PDGFC: variants seen among roughly 807,000 people sequenced by gnomAD.
PDGFC encodes platelet-derived growth factor C.
PDGFC carries 12 observed loss-of-function variants against 35.5 expected under a neutral mutation model. That is an observed-to-expected ratio of 0.34 (90% confidence interval 0.22 to 0.55). The LOEUF (loss-of-function observed/expected upper bound fraction) is 0.55, where lower values mean the gene tolerates loss of function less well. PDGFC is among the 20% of genes least tolerant of loss of function. The pLI, the probability that PDGFC is intolerant of heterozygous loss-of-function variation, is 0.91. For synonymous variants in PDGFC, 159 were observed against 148.8 expected, an observed-to-expected ratio of 1.07 and a Z score of -0.50; for missense variants, 322 against 412.4, an observed-to-expected ratio of 0.78 and a Z score of 1.90.
At chr4:156,803,699 G>A (rs1233331297) in intron 3 of PDGFC, among the ~76,000 whole-genome samples, 1 of 152,030 alleles carries the variant, frequency 6.6e-6, no homozygotes, top group African/African-American at 2.4e-5. Context: ...AGAAATATTT[G>A]CCATTTAGAA....
chr4:156,764,150 C>T (rs906414741), intron 5 of PDGFC, among the ~76,000 whole-genome samples: 6 of 152,192 alleles, frequency 3.9e-5, no homozygotes, highest in East Asian at 1.9e-4. Flanking sequence ...TTTTTGGATA[C>T]GACATAGATA....
At chr4:156,966,686 G>A (rs1732474184) in intron 1 of PDGFC, among the ~76,000 whole-genome samples, 1 of 152,100 alleles carries the variant, frequency 6.6e-6, no homozygotes, top group Non-Finnish European at 1.5e-5. Context: ...AGGCTTCCGT[G>A]CCTGAGACAG....
At chr4:156,930,216 C>G (rs571521944) in intron 1 of PDGFC, among the ~76,000 whole-genome samples, 1 of 152,280 alleles carries the variant, frequency 6.6e-6, no homozygotes, top group East Asian at 1.9e-4. Flanking sequence ...TTCACAAAAT[C>G]CTATATAGTT....
At chr4:156,897,030 T>A (rs1730647739) in intron 1 of PDGFC, among the ~76,000 whole-genome samples, 1 of 152,096 alleles carries the variant, frequency 6.6e-6, no homozygotes, top group Admixed American at 6.6e-5. Context: ...AATACGCACA[T>A]TAAAGGAGCC....
chr4:156,943,274 C>T (rs1731858008), intron 1 of PDGFC, among the ~76,000 whole-genome samples: 1 of 152,086 alleles, frequency 6.6e-6, no homozygotes, highest in Non-Finnish European at 1.5e-5. Flanking sequence ...CTGAGAAGCT[C>T]TGTTAAACTG....
chr4:156,866,529 G>A (rs953665031), intron 1 of PDGFC, among the ~76,000 whole-genome samples: 3 of 151,974 alleles, frequency 2.0e-5, no homozygotes, highest in Admixed American at 6.6e-5. Context: ...GTGGGGGGAC[G>A]TGTGTGGGTG....
At chr4:156,819,113 T>C (rs181820129) in intron 2 of PDGFC, among the ~76,000 whole-genome samples, 1 of 152,278 alleles carries the variant, frequency 6.6e-6, no homozygotes, top group Admixed American at 6.5e-5. Context: ...CTAACAGAGG[T>C]TGCTTCATGA....
intron 2 of PDGFC, among the ~76,000 whole-genome samples, chr4:156,815,434 G>T (rs902513635): frequency 1.3e-5 from 2 of 151,416 alleles, no homozygotes; most frequent in Non-Finnish European, 2.9e-5. Flanking sequence ...GATAGAAAAA[G>T]AATAATGCAT....
chr4:156,970,938 G>A lies in PDGFC; in HGVS notation c.-35C>T. On this transcript the variant is annotated 5_prime_UTR_variant, in exon 1 of 6. Transcript: ENST00000502773. ...TGGGGTGAGAGCTCACTCACGGCGG[G>A]CACTTTGGAAGCAGCGACTCCCGAG... 1 of 1,430,050 alleles carries A rather than the reference G, an allele frequency of 7.0e-7. No homozygotes were observed. Among genetic ancestry groups the A allele is most frequent in the African/African-American group, 1.4e-5 (1 of 71,562 alleles). The allele number at this position is 1,430,050 out of a possible 1,614,324, so 88.6% of individuals were successfully genotyped here. A position where few individuals can be genotyped will look rare whatever the true frequency, so the allele number is the denominator to read the frequency against.
chr4:156,858,190 T>C (rs190183777), intron 1 of PDGFC, among the ~76,000 whole-genome samples: 1 of 152,216 alleles, frequency 6.6e-6, no homozygotes, highest in East Asian at 1.9e-4. Flanking sequence ...AGAGGATCTA[T>C]AAAATTTTTC....
At chr4:156,835,402 A>C (rs1373453836) in intron 2 of PDGFC, among the ~76,000 whole-genome samples, 1 of 152,210 alleles carries the variant, frequency 6.6e-6, no homozygotes. Flanking sequence ...TCAACATTTT[A>C]AGAAATCTGA....
rs111916308 is a variant in PDGFC, at chr4:156,772,991, T to C, written c.496-98A>G. Reference sequence around the variant, plus strand: ...ATTATAAAGACTGAGGCTGGAAATATGTGTGAAGGGAAATTGTATTGAATC... The same window carrying C: ...ATTATAAAGACTGAGGCTGGAAATACGTGTGAAGGGAAATTGTATTGAATC... On this transcript the variant is annotated intron_variant, in intron 3 of 5. Transcript: ENST00000502773. The C allele has an allele frequency of 1.6e-4, 122 of 761,558 alleles. 2 individuals are homozygous for C. Among genetic ancestry groups the C allele is most frequent in the African/African-American group, 9.6e-4 (55 of 57,404 alleles). The allele number at this position is 761,558 out of a possible 1,614,324, so 47.2% of individuals were successfully genotyped here. A position where few individuals can be genotyped will look rare whatever the true frequency, so the allele number is the denominator to read the frequency against.
chr4:156,862,776 C>T (rs1170471043), intron 1 of PDGFC, among the ~76,000 whole-genome samples: 3 of 151,106 alleles, frequency 2.0e-5, no homozygotes, highest in Non-Finnish European at 4.4e-5. Context: ...CTCACTGCAA[C>T]CTCTGCTGCC....
At position 156,865,327 on chromosome 4, in the gene PDGFC, T is replaced by A. The variant is rs150391988; in HGVS notation, c.119-14911A>T. ...GATATACTGTCAGGAAAAACGCATATCCAATGTCTAATTTAGAACAATCTA... is the reference window on the plus strand; with the variant it reads ...GATATACTGTCAGGAAAAACGCATAACCAATGTCTAATTTAGAACAATCTA... On this transcript the variant is annotated intron_variant, in intron 1 of 5. Coordinates refer to ENST00000502773, the MANE Select transcript of PDGFC (RefSeq NM_016205.3). 1.5e-4 allele frequency among the ~76,000 whole-genome samples: 23 copies of A among 152,192 alleles called. No individual in the cohort carries two copies. The East Asian group carries it at 4.0e-3, about 27-fold the overall frequency.
intron 1 of PDGFC, among the ~76,000 whole-genome samples, chr4:156,950,764 A>C (rs2110936883): frequency 6.6e-6 from 1 of 151,964 alleles, no homozygotes; most frequent in Admixed American, 6.6e-5. Flanking sequence ...AGAACTTCCA[A>C]ATGTTTATAA....
chr4:156,962,446 C>T (rs1393412294), intron 1 of PDGFC, among the ~76,000 whole-genome samples: 1 of 152,150 alleles, frequency 6.6e-6, no homozygotes, highest in East Asian at 1.9e-4. Context: ...AAATAAAGCA[C>T]TGTGTTCCCA....
At chr4:156,966,620 A>G (rs1732472710) in intron 1 of PDGFC, among the ~76,000 whole-genome samples, 1 of 152,186 alleles carries the variant, frequency 6.6e-6, no homozygotes, top group South Asian at 2.1e-4. Context: ...GCTAATATAC[A>G]GAAGATATTT....
chr4:156,885,573 G>A (rs890662487), intron 1 of PDGFC, among the ~76,000 whole-genome samples: 1 of 151,562 alleles, frequency 6.6e-6, no homozygotes, highest in East Asian at 1.9e-4. Flanking sequence ...TTGTCAAATT[G>A]CTGACATTTC....
chr4:156,936,456 C>T (rs1245678835), intron 1 of PDGFC, among the ~76,000 whole-genome samples: 1 of 152,102 alleles, frequency 6.6e-6, no homozygotes, highest in African/African-American at 2.4e-5. Flanking sequence ...ATTACTTTGT[C>T]TTAAAAAATA....
Sources: allele counts gnomAD v4.1 joint callset (sites outside exome capture counted in the v4.1 genomes callset), GRCh38; gene constraint gnomAD v4.1.1; transcripts MANE v1.5; gene names NCBI Gene and HGNC (gene_info 2026-07-23, HGNC 2026-07-21).